PPIL6: variants seen among roughly 807,000 people sequenced by gnomAD.
PPIL6 encodes peptidylprolyl isomerase like 6, also known as probable inactive peptidyl-prolyl cis-trans isomerase-like 6.
A neutral mutation model predicts 36.8 loss-of-function variants in PPIL6; 39 were observed. That is an observed-to-expected ratio of 1.06 (90% CI 0.82 to 1.38). The LOEUF is 1.38. Among genes scored for constraint, PPIL6 ranks in the 40% most tolerant of loss-of-function variants. The pLI, the probability that PPIL6 is intolerant of heterozygous loss-of-function variation, is 0.00. For synonymous variants in PPIL6, 123 were observed against 134.1 expected (o/e 0.92, Z 0.57); for missense variants, 368 against 379.1 (o/e 0.97, Z 0.24).
intron 3 of PPIL6, among the ~76,000 whole-genome samples, chr6:109,428,133 T>C (rs1053853420): frequency 2.6e-5 from 4 of 152,234 alleles, no homozygotes; most frequent in African/African-American, 9.6e-5. Context: ...GAGGAAAACA[T>C]TTGTGAGACC....
At chr6:109,392,974 A>C (rs757607286) in intron 7 of PPIL6, 37 bp from the exon 8 acceptor site, 40 of 1,182,694 alleles carry the variant, frequency 3.4e-5, no homozygotes, top group Non-Finnish European at 4.0e-5. Flanking sequence ...TTAGTCAGTC[A>C]TAAGTTTTCA....
Position 109,392,920 on chromosome 6 carries a change from G to T in PPIL6, c.842C>A (p.Thr281Lys). 6.2e-7 allele frequency: 1 copy of T among 1,607,354 alleles called. No homozygotes were observed. The highest frequency in any genetic ancestry group is 8.5e-7 in the Non-Finnish European group (1 of 1,176,092). ...FVAFGQLIEG[T>K]EVLKQLELVP... ...TAATTCTAGTTGTTTAAGCACTTCT[G>T]TTCCTTCAATCAGTTGCCTACATAG... Residue 281 changes from threonine to lysine, a missense_variant, in exon 8 of 8, where the codon ACA (threonine) becomes AAA (lysine). Thr to Lys is a moderately conservative substitution (Grantham distance 78). Coordinates refer to ENST00000521072, the MANE Select transcript of PPIL6 (RefSeq NM_173672.5).
At chr6:109,403,025 G>A (rs780127466) in intron 6 of PPIL6, 1 of 1,522,520 alleles carries the variant, frequency 6.6e-7, no homozygotes, top group South Asian at 1.2e-5. Context: ...TTAATCGTCT[G>A]CTCACCTCGG....
intron 2 of PPIL6, 149 bp from the exon 3 acceptor site, chr6:109,431,494 T>G (rs995555610): frequency 8.3e-6 from 4 of 482,830 alleles, no homozygotes; most frequent in Non-Finnish European, 1.4e-5. Flanking sequence ...TTATCGTCCT[T>G]CAGAATTTTG....
At chr6:109,396,494 C>T (rs775950527) in intron 7 of PPIL6, among the ~76,000 whole-genome samples, 1 of 152,076 alleles carries the variant, frequency 6.6e-6, no homozygotes, top group African/African-American at 2.4e-5. Context: ...AGATAAGATG[C>T]TCTCTTACTC....
intron 7 of PPIL6, 49 bp downstream of exon 7, chr6:109,399,984 GAC>G (rs1303524542): frequency 6.9e-7 from 1 of 1,456,942 alleles, no homozygotes; most frequent in Non-Finnish European, 9.4e-7. Flanking sequence ...ATTTTTAAAT[GAC>G]ATTTTTACAG....
At chr6:109,396,224 CT>C (rs1268235123) in intron 7 of PPIL6, among the ~76,000 whole-genome samples, 1 of 152,190 alleles carries the variant, frequency 6.6e-6, no homozygotes, top group Admixed American at 6.5e-5. Context: ...CTTAAGTGGT[CT>C]TGCTACTTCC....
intron 2 of PPIL6, among the ~76,000 whole-genome samples, chr6:109,433,896 A>G (rs1478095587): frequency 3.9e-5 from 6 of 152,176 alleles, no homozygotes; most frequent in African/African-American, 1.4e-4. Flanking sequence ...TTCAAGACCC[A>G]TGAGAAAGGC....
chr6:109,431,665 T>C (rs924347748), intron 2 of PPIL6, among the ~76,000 whole-genome samples: 4 of 152,192 alleles, frequency 2.6e-5, no homozygotes, highest in Middle Eastern at 3.2e-3. Flanking sequence ...TAAAATGTAA[T>C]AGCAGTTATG....
chr6:109,437,588 T>C (rs1774522384), intron 1 of PPIL6, among the ~76,000 whole-genome samples: 2 of 142,874 alleles, frequency 1.4e-5, no homozygotes, highest in Non-Finnish European at 3.0e-5. Flanking sequence ...GGAGTCTCGC[T>C]CTGTTGCCCA....
rs573043314 is a variant in PPIL6, at chr6:109,396,278, A to AT, written c.825-3342dup. On this transcript the variant is annotated intron_variant, in intron 7 of 7. Transcript: ENST00000521072. ...TTCATTCCTCACTTCTGCTAAAGAG[A>AT]TTTTTTCTTCAAAATGAGAAGCTGG... Among the ~76,000 whole-genome samples the AT allele has an allele frequency of 2.6e-3, 398 of 151,814 alleles. 1 individual carries two copies. The highest frequency in any genetic ancestry group is 9.2e-3 in the African/African-American group (380 of 41,370).
At chr6:109,407,778 A>AT (rs1222347210) in intron 6 of PPIL6, among the ~76,000 whole-genome samples, 2 of 152,096 alleles carry the variant, frequency 1.3e-5, no homozygotes, top group Admixed American at 6.6e-5. Flanking sequence ...ATTTTCTTCT[A>AT]TTTTTTAAAT....
chr6:109,403,398 C>T (rs1247640066), intron 6 of PPIL6, among the ~76,000 whole-genome samples: 1 of 152,028 alleles, frequency 6.6e-6, no homozygotes, highest in African/African-American at 2.4e-5. Flanking sequence ...TCCATGATAT[C>T]AAAATGCACC....
intron 7 of PPIL6, among the ~76,000 whole-genome samples, chr6:109,393,898 T>C (rs1402785190): frequency 1.3e-5 from 2 of 152,238 alleles, no homozygotes; most frequent in Non-Finnish European, 2.9e-5. Context: ...GTCGCTCCTT[T>C]AGAGAAGTTC....
Position 109,392,201 on chromosome 6 carries a change from C to CAG in PPIL6, c.*624_*625insCT. On this transcript the variant is annotated 3_prime_UTR_variant, in exon 8 of 8. Coordinates refer to ENST00000521072, the MANE Select transcript of PPIL6 (RefSeq NM_173672.5). ...CCTTTCTTTTTTTTTGAGACAGTCTCTCTCTGTCGCCAGGCTGGAGTGCAG... is the reference window on the plus strand; with the variant it reads ...CCTTTCTTTTTTTTTGAGACAGTCTCAGTCTCTGTCGCCAGGCTGGAGTGCAG... The CAG allele has an allele frequency of 6.6e-6, 1 of 152,196 alleles. No homozygotes were observed. The highest frequency in any genetic ancestry group is 2.4e-5 in the African/African-American group (1 of 41,402). 9.4% of individuals were successfully genotyped at this position (152,196 alleles called of 1,614,324 possible). A position where few individuals can be genotyped will look rare whatever the true frequency, so the allele number is the denominator to read the frequency against.
At chr6:109,416,944 G>A (rs1047745354) in intron 6 of PPIL6, among the ~76,000 whole-genome samples, 5 of 152,048 alleles carry the variant, frequency 3.3e-5, no homozygotes. Flanking sequence ...AACTCAGGAG[G>A]ACCACTTGAG....
At chr6:109,411,734 G>T (rs1362757782) in intron 6 of PPIL6, among the ~76,000 whole-genome samples, 1 of 152,164 alleles carries the variant, frequency 6.6e-6, no homozygotes, top group Non-Finnish European at 1.5e-5. Flanking sequence ...CTGGCACAAG[G>T]CTTCCAACCT....
chr6:109,437,833 G>C (rs1420363959), intron 1 of PPIL6, among the ~76,000 whole-genome samples: 1 of 152,134 alleles, frequency 6.6e-6, no homozygotes, highest in African/African-American at 2.4e-5. Context: ...GCCTCCCGAA[G>C]TGCTGGGATT....
chr6:109,438,857 G>A (rs1774607626), intron 1 of PPIL6, among the ~76,000 whole-genome samples: 1 of 152,168 alleles, frequency 6.6e-6, no homozygotes, highest in Non-Finnish European at 1.5e-5. Flanking sequence ...AAAGTGCTGG[G>A]ATTATAGGCA....
Sources: allele counts gnomAD v4.1 joint callset (sites outside exome capture counted in the v4.1 genomes callset), GRCh38; gene constraint gnomAD v4.1.1; transcripts MANE v1.5; gene names NCBI Gene and HGNC (gene_info 2026-07-23, HGNC 2026-07-21).